Variants in PRLR observed in about 807,000 individuals in gnomAD.
PRLR encodes prolactin receptor.
In PRLR, 13 loss-of-function variants were observed where a neutral mutation model predicts 40.2. That is an observed-to-expected ratio of 0.32 (90% CI 0.21 to 0.51). The LOEUF (loss-of-function observed/expected upper bound fraction) is 0.51. Among genes scored for constraint, PRLR ranks in the 20% least tolerant of loss-of-function variants. The probability of loss-of-function intolerance (pLI) is 0.97; values close to 1 mark genes in which losing one functional copy is unlikely to be tolerated. For missense variants in PRLR, 656 were observed against 747.3 expected (o/e 0.88, Z 1.42); for synonymous variants, 269 against 278.7 (o/e 0.97, Z 0.35).
chr5:35,051,885 C>A (rs549506444), downstream of PRLR, among the ~76,000 whole-genome samples: 1 of 152,014 alleles, frequency 6.6e-6, no homozygotes, highest in Non-Finnish European at 1.5e-5. Context: ...AATTACCACT[C>A]CCAGGAAAAT....
At chr5:35,190,039 C>A (rs576931416) in intron 1 of PRLR, among the ~76,000 whole-genome samples, 3 of 152,214 alleles carry the variant, frequency 2.0e-5, no homozygotes, top group African/African-American at 7.2e-5. Context: ...GGGAGAGAGC[C>A]CCATTGCCTT....
chr5:35,167,930 T>G (rs1203643309), intron 1 of PRLR, among the ~76,000 whole-genome samples: 3 of 151,962 alleles, frequency 2.0e-5, no homozygotes, highest in Non-Finnish European at 4.4e-5. Context: ...GATGGTAGGT[T>G]TAAATTCAAA....
At chr5:35,126,409 A>G (rs1207037252) in intron 1 of PRLR, among the ~76,000 whole-genome samples, 1 of 152,048 alleles carries the variant, frequency 6.6e-6, no homozygotes, top group East Asian at 1.9e-4. Context: ...TCTCACTTTT[A>G]TTTCCCCCTC....
At chr5:35,095,194 G>C (rs1771459235) in intron 2 of PRLR, among the ~76,000 whole-genome samples, 1 of 152,182 alleles carries the variant, frequency 6.6e-6, no homozygotes, top group Non-Finnish European at 1.5e-5. Context: ...AGGACATAAT[G>C]TGCTCAGGGC....
At chr5:35,125,699 T>C (rs141875968) in intron 1 of PRLR, among the ~76,000 whole-genome samples, 6 of 152,348 alleles carry the variant, frequency 3.9e-5, no homozygotes, top group African/African-American at 1.4e-4. Context: ...TTAATTTCAA[T>C]TGAGAACATC....
At chr5:35,055,665 T>C (rs1768673615), downstream of PRLR, 1 of 152,202 alleles carries the variant, frequency 6.6e-6, no homozygotes, top group South Asian at 2.1e-4. Flanking sequence ...ATGTAATGCA[T>C]GTTTCACATA....
chr5:35,201,114 T>C (rs1398602080), intron 1 of PRLR, among the ~76,000 whole-genome samples: 4 of 152,192 alleles, frequency 2.6e-5, no homozygotes, highest in Non-Finnish European at 5.9e-5. Flanking sequence ...CTTCATTAAA[T>C]GGTGACAATA....
rs1454476283 is a variant in PRLR, at chr5:35,062,464, AAG to A, written c.*2623_*2624del. On this transcript the variant is annotated 3_prime_UTR_variant, in exon 10 of 10. Coordinates refer to ENST00000618457, the MANE Select transcript of PRLR (RefSeq NM_000949.7). ...AAAAACTTTTTGTTAGACCACAAAA[AAG>A]CTTAATTCAGATAAACAGTGCTAAT... 6.6e-6 allele frequency: 1 copy of A among 152,244 alleles called. No individual in the cohort carries two copies. The highest frequency in any genetic ancestry group is 1.9e-4 in the East Asian group (1 of 5,198). The allele number at this position is 152,244 out of a possible 1,614,324, so 9.4% of individuals were successfully genotyped here.
chr5:35,218,413 G>A (rs563669196), intron 1 of PRLR, among the ~76,000 whole-genome samples: 3,969 of 152,166 alleles, frequency 0.026, 195 homozygotes, highest in African/African-American at 0.09. Context: ...TATATAACTA[G>A]TTTAAACATA....
intron 1 of PRLR, among the ~76,000 whole-genome samples, chr5:35,164,687 A>T (rs1213409783): frequency 6.6e-6 from 1 of 152,160 alleles, no homozygotes; most frequent in Non-Finnish European, 1.5e-5. Context: ...TACAGATTTT[A>T]AAATATTATT....
intron 1 of PRLR, among the ~76,000 whole-genome samples, chr5:35,167,457 C>T (rs529111024): frequency 4.6e-4 from 70 of 152,010 alleles, no homozygotes; most frequent in Non-Finnish European, 9.0e-4. Context: ...CAGACTAAAA[C>T]TGAGAAAATA....
chr5:35,146,767 A>AT (rs1404507494), intron 1 of PRLR, among the ~76,000 whole-genome samples: 2 of 152,170 alleles, frequency 1.3e-5, no homozygotes, highest in Non-Finnish European at 2.9e-5. Context: ...TGACAGCTTA[A>AT]TTACCCAGGC....
chr5:35,162,471 T>C (rs973356680), intron 1 of PRLR, among the ~76,000 whole-genome samples: 1 of 152,192 alleles, frequency 6.6e-6, no homozygotes, highest in South Asian at 2.1e-4. Flanking sequence ...CCATTCAAAA[T>C]AAGTGGGAAT....
At position 35,155,317 on chromosome 5, in the gene PRLR, A is replaced by G. The variant is rs185008825; in HGVS notation, c.-105-37195T>C. 3.7e-3 allele frequency among the ~76,000 whole-genome samples: 560 copies of G among 152,292 alleles called. 3 individuals carry two copies. The highest frequency in any genetic ancestry group is 0.013 in the African/African-American group (539 of 41,564). ...ATTCATGTTGTAATCAATTCTACTCATTTGTGAAGCTGAGGTGAGGTGTGT... is the reference window on the plus strand; with the variant it reads ...ATTCATGTTGTAATCAATTCTACTCGTTTGTGAAGCTGAGGTGAGGTGTGT... On this transcript the variant is annotated intron_variant, in intron 1 of 9. Transcript: ENST00000618457.
intron 1 of PRLR, among the ~76,000 whole-genome samples, chr5:35,175,637 T>G (rs955834776): frequency 2.0e-5 from 3 of 152,208 alleles, no homozygotes; most frequent in Non-Finnish European, 4.4e-5. Flanking sequence ...CCTTAATATT[T>G]CAGAGGTAGT....
chr5:35,193,156 T>A (rs1292823035), intron 1 of PRLR, among the ~76,000 whole-genome samples: 1 of 152,160 alleles, frequency 6.6e-6, no homozygotes, highest in Non-Finnish European at 1.5e-5. Context: ...ACTGCCCCCA[T>A]CTCTACCATC....
At chr5:35,166,168 C>A (rs1456056404) in intron 1 of PRLR, among the ~76,000 whole-genome samples, 2 of 152,126 alleles carry the variant, frequency 1.3e-5, no homozygotes, top group Non-Finnish European at 2.9e-5. Context: ...CATAATCATT[C>A]TTTTTTGTTT....
chr5:35,094,096 G>T (rs1771383969), intron 2 of PRLR, among the ~76,000 whole-genome samples: 1 of 152,152 alleles, frequency 6.6e-6, no homozygotes, highest in Non-Finnish European at 1.5e-5. Flanking sequence ...ATCACAAAAA[G>T]AATATATCTA....
chr5:35,203,916 T>C (rs1351267169), intron 1 of PRLR, among the ~76,000 whole-genome samples: 1 of 152,014 alleles, frequency 6.6e-6, no homozygotes, highest in African/African-American at 2.4e-5. Flanking sequence ...CAAATCAAGA[T>C]CGAGAAAGTC....
Sources: allele counts gnomAD v4.1 joint callset (sites outside exome capture counted in the v4.1 genomes callset), GRCh38; gene constraint gnomAD v4.1.1; transcripts MANE v1.5; gene names NCBI Gene and HGNC (gene_info 2026-07-23, HGNC 2026-07-21).